Variants in GALNT13 observed in about 807,000 individuals in gnomAD.
GALNT13 encodes polypeptide N-acetylgalactosaminyltransferase 13, also known as UDP-GalNAc:polypeptide N-acetylgalactosaminyltransferase 13.
Under a neutral mutation model 64.2 loss-of-function variants are expected in GALNT13, and 28 were observed. The observed-to-expected ratio is 0.44, with a 90% CI of 0.32 to 0.60. GALNT13 has a LOEUF of 0.60. Among genes scored for constraint, GALNT13 ranks in the 20% least tolerant of loss-of-function variants. GALNT13 has a pLI of 0.05. For missense variants in GALNT13, 577 were observed against 669.8 expected (o/e 0.86, Z 1.53); for synonymous variants, 214 against 224.6 (o/e 0.95, Z 0.42).
intron 3 of GALNT13, among the ~76,000 whole-genome samples, chr2:153,994,283 A>G (rs192032426): frequency 5.9e-5 from 9 of 152,326 alleles, no homozygotes; most frequent in Admixed American, 5.9e-4. Context: ...TCCATGGCAT[A>G]TATGTGCCAC....
the GALNT13 span, among the ~76,000 whole-genome samples, chr2:153,827,174 G>T: frequency 6.6e-5 from 10 of 152,026 alleles, no homozygotes; most frequent in Admixed American, 5.2e-4. Context: ...GAGAGCTTGT[G>T]CAGGGAAACT....
chr2:154,185,172 A>G (rs1161699193), intron 4 of GALNT13, among the ~76,000 whole-genome samples: 1 of 152,088 alleles, frequency 6.6e-6, no homozygotes, highest in African/African-American at 2.4e-5. Context: ...ATGTCATTTC[A>G]CTTTGACCTG....
chr2:153,070,933 A>G, the GALNT13 span, among the ~76,000 whole-genome samples: 10 of 152,294 alleles, frequency 6.6e-5, 1 homozygote, highest in Admixed American at 4.6e-4. Context: ...GTGAAATTCA[A>G]TTTCTTCAAA....
At chr2:153,809,888 T>G in the GALNT13 span, among the ~76,000 whole-genome samples, 3 of 152,198 alleles carry the variant, frequency 2.0e-5, no homozygotes, top group African/African-American at 7.2e-5. Context: ...TTTCTCTGTA[T>G]CAACAATTTC....
chr2:153,635,454 G>GTATATATATATATACACA, the GALNT13 span, among the ~76,000 whole-genome samples: 12 of 145,516 alleles, frequency 8.2e-5, no homozygotes, highest in South Asian at 4.3e-4. Context: ...ACATATATAT[G>GTATATATATATATACACA]TATATGTGTA....
At chr2:153,449,311 G>C in the GALNT13 span, among the ~76,000 whole-genome samples, 1 of 152,120 alleles carries the variant, frequency 6.6e-6, no homozygotes, top group Non-Finnish European at 1.5e-5. Context: ...GACAGGAGGA[G>C]GGGGAGGTCT....
chr2:153,749,068 T>C, the GALNT13 span, among the ~76,000 whole-genome samples: 1 of 152,042 alleles, frequency 6.6e-6, no homozygotes, highest in Non-Finnish European at 1.5e-5. Flanking sequence ...TTTTATAGCA[T>C]TATTTATTGA....
At chr2:154,038,346 C>T (rs181728682) in intron 3 of GALNT13, among the ~76,000 whole-genome samples, 2 of 152,204 alleles carry the variant, frequency 1.3e-5, no homozygotes, top group East Asian at 3.9e-4. Context: ...AGAGATATCA[C>T]ATTACCTGAA....
chr2:153,811,540 A>G, the GALNT13 span, among the ~76,000 whole-genome samples: 1 of 152,248 alleles, frequency 6.6e-6, no homozygotes, highest in South Asian at 2.1e-4. Context: ...TTTCGTATTA[A>G]CTGTACTCAA....
At chr2:153,889,550 A>G (rs956680117) in intron 1 of GALNT13, among the ~76,000 whole-genome samples, 8 of 151,996 alleles carry the variant, frequency 5.3e-5, no homozygotes, top group African/African-American at 1.9e-4. Context: ...TGTGATTTTA[A>G]TCATGTTGTA....
chr2:154,194,857 G>A (rs1188818988), intron 4 of GALNT13, among the ~76,000 whole-genome samples: 5 of 121,016 alleles, frequency 4.1e-5, no homozygotes, highest in Non-Finnish European at 3.6e-5. Context: ...CTCTAGAGCT[G>A]TATTTTTTTT....
At chr2:153,257,441 C>G in the GALNT13 span, among the ~76,000 whole-genome samples, 1 of 152,074 alleles carries the variant, frequency 6.6e-6, no homozygotes, top group African/African-American at 2.4e-5. Flanking sequence ...GAGCTGTAGA[C>G]CTGAGCTGTT....
At chr2:153,289,566 T>G in the GALNT13 span, among the ~76,000 whole-genome samples, 1 of 152,218 alleles carries the variant, frequency 6.6e-6, no homozygotes, top group African/African-American at 2.4e-5. Flanking sequence ...TTATTTAGGA[T>G]TTTTGTGTAT....
At chr2:153,248,620 T>C in the GALNT13 span, among the ~76,000 whole-genome samples, 2 of 151,690 alleles carry the variant, frequency 1.3e-5, no homozygotes, top group African/African-American at 4.8e-5. Flanking sequence ...GCGACCATCC[T>C]GGCTAACACG....
intron 4 of GALNT13, among the ~76,000 whole-genome samples, chr2:154,163,140 A>AC (rs1220589271): frequency 1.5e-5 from 1 of 64,546 alleles, no homozygotes; most frequent in African/African-American, 6.3e-5. Flanking sequence ...CCCTCCCCCC[A>AC]CCCCACAACA....
chr2:153,982,614 T>C (rs532686204), intron 3 of GALNT13, among the ~76,000 whole-genome samples: 1 of 152,184 alleles, frequency 6.6e-6, no homozygotes, highest in East Asian at 1.9e-4. Context: ...GAAGCTTAAC[T>C]ATCTTTAACA....
intron 9 of GALNT13, among the ~76,000 whole-genome samples, chr2:154,370,918 GCCAACATAAGAGGAGGCAC>G (rs1697650733): frequency 6.6e-6 from 1 of 152,022 alleles, no homozygotes; most frequent in Non-Finnish European, 1.5e-5. Flanking sequence ...CATTTAGAAG[GCCAACATAAGAGGAGGCAC>G]CAACAAAGAG....
chr2:153,606,447 C>G, the GALNT13 span, among the ~76,000 whole-genome samples: 1 of 151,928 alleles, frequency 6.6e-6, no homozygotes, highest in Non-Finnish European at 1.5e-5. Flanking sequence ...TATATGTGAC[C>G]CAATGCAAAT....
At chr2:153,401,537 C>G in the GALNT13 span, among the ~76,000 whole-genome samples, 3 of 148,676 alleles carry the variant, frequency 2.0e-5, no homozygotes, top group Admixed American at 6.7e-5. Flanking sequence ...GTTAAAGTCT[C>G]CCATTATTAA....
Sources: allele counts gnomAD v4.1 joint callset (sites outside exome capture counted in the v4.1 genomes callset), GRCh38; gene constraint gnomAD v4.1.1; transcripts MANE v1.5; gene names NCBI Gene and HGNC (gene_info 2026-07-23, HGNC 2026-07-21).